Variants in PREP observed in about 807,000 individuals in gnomAD.
PREP encodes prolyl endopeptidase, also known as dJ355L5.1 (prolyl endopeptidase).
In PREP, 29 loss-of-function variants were observed where a neutral mutation model predicts 87.6. The observed-to-expected ratio is 0.33, with a 90% CI of 0.25 to 0.45. PREP has a LOEUF of 0.45. Ranked by LOEUF, PREP falls within the 20% of genes least tolerant of loss-of-function variation. The pLI, the probability that PREP is intolerant of heterozygous loss-of-function variation, is 1.00. For synonymous variants in PREP, 337 were observed against 328.6 expected (o/e 1.03, Z -0.28); for missense variants, 695 against 886.5 (o/e 0.78, Z 2.74).
chr6:105,296,177 T>C (rs1014312115), intron 10 of PREP, among the ~76,000 whole-genome samples: 3 of 152,246 alleles, frequency 2.0e-5, no homozygotes, highest in South Asian at 4.1e-4. Flanking sequence ...ACTAGTGTAA[T>C]AGGCAAACAC....
At chr6:105,325,649 G>C (rs1296318531) in intron 9 of PREP, among the ~76,000 whole-genome samples, 1 of 152,146 alleles carries the variant, frequency 6.6e-6, no homozygotes, top group Admixed American at 6.6e-5. Flanking sequence ...GATACTTTCT[G>C]TTTATAGATC....
At chr6:105,333,631 T>A in intron 7 of PREP, 126 bp from the exon 8 acceptor site, 3 of 1,002,366 alleles carry the variant, frequency 3.0e-6, no homozygotes, top group African/African-American at 1.6e-5. Context: ...TTGGAAGATC[T>A]AGGGCATGAA....
chr6:105,310,806 T>C (rs1770745159), intron 10 of PREP, among the ~76,000 whole-genome samples: 1 of 152,194 alleles, frequency 6.6e-6, no homozygotes, highest in Non-Finnish European at 1.5e-5. Flanking sequence ...CTAACTCAGA[T>C]CTCTCCTTTG....
intron 7 of PREP, among the ~76,000 whole-genome samples, chr6:105,347,988 G>A (rs1417615308): frequency 6.6e-6 from 1 of 152,124 alleles, no homozygotes; most frequent in Non-Finnish European, 1.5e-5. Flanking sequence ...TTATTTTCTT[G>A]TAAGGTTCAG....
At chr6:105,341,339 T>C (rs1771643810) in intron 7 of PREP, among the ~76,000 whole-genome samples, 1 of 152,072 alleles carries the variant, frequency 6.6e-6, no homozygotes. Flanking sequence ...TTGAAACCAA[T>C]GAGAACAAAG....
intron 6 of PREP, among the ~76,000 whole-genome samples, chr6:105,367,671 CAAA>C (rs112161765): frequency 9.9e-5 from 8 of 80,484 alleles, no homozygotes; most frequent in Non-Finnish European, 1.7e-4. Context: ...GACTCCGTCT[CAAA>C]AAAAAAAAAA....
At chr6:105,342,313 C>T (rs955722216) in intron 7 of PREP, among the ~76,000 whole-genome samples, 4 of 152,176 alleles carry the variant, frequency 2.6e-5, no homozygotes, top group African/African-American at 7.2e-5. Context: ...GCAGAAAAGG[C>T]CTCTGACAAA....
At chr6:105,378,319 CGTG>C (rs1330687152) in intron 2 of PREP, among the ~76,000 whole-genome samples, 2 of 152,206 alleles carry the variant, frequency 1.3e-5, no homozygotes, top group Admixed American at 6.5e-5. Flanking sequence ...ATTTGTCAGG[CGTG>C]GTGGTGGGTG....
At chr6:105,387,613 AAAAAAAAG>A (rs199557509) in intron 2 of PREP, among the ~76,000 whole-genome samples, 35,732 of 122,522 alleles carry the variant, frequency 0.29, 4,568 homozygotes, top group African/African-American at 0.49. Context: ...GAGCTAAAAA[AAAAAAAAG>A]AAAAAAAGAA....
At chr6:105,383,393 T>C (rs919140979) in intron 2 of PREP, among the ~76,000 whole-genome samples, 3 of 152,158 alleles carry the variant, frequency 2.0e-5, no homozygotes, top group African/African-American at 4.8e-5. Flanking sequence ...TTGACCACAA[T>C]GCCATTAACC....
intron 5 of PREP, 82 bp downstream of exon 5, chr6:105,373,287 T>G: frequency 7.0e-7 from 1 of 1,433,256 alleles, no homozygotes; most frequent in Non-Finnish European, 9.8e-7. Context: ...AACCTCTATG[T>G]AGGGTTCAGC....
chr6:105,284,041 G>T (rs1347448272), intron 12 of PREP, among the ~76,000 whole-genome samples: 2 of 152,002 alleles, frequency 1.3e-5, no homozygotes, highest in Non-Finnish European at 2.9e-5. Context: ...TGAGTCAAGG[G>T]GTTCAGAATT....
intron 7 of PREP, among the ~76,000 whole-genome samples, chr6:105,338,520 G>A (rs370212911): frequency 3.9e-5 from 6 of 152,338 alleles, no homozygotes; most frequent in Middle Eastern, 3.4e-3. Context: ...CTGAAGTACC[G>A]GTTCATCTCA....
At chr6:105,304,451 G>A (rs1309246642) in intron 10 of PREP, among the ~76,000 whole-genome samples, 1 of 152,180 alleles carries the variant, frequency 6.6e-6, no homozygotes, top group African/African-American at 2.4e-5. Flanking sequence ...AAACTATGGA[G>A]TCAGAATTTG....
intron 3 of PREP, 35 bp from the exon 4 acceptor site, chr6:105,376,290 A>T: frequency 1.3e-6 from 2 of 1,595,970 alleles, no homozygotes; most frequent in South Asian, 2.3e-5. Flanking sequence ...TCAGCTGTGG[A>T]GTTTTCTATT....
intron 6 of PREP, 59 bp from the exon 7 acceptor site, chr6:105,353,136 T>C: frequency 1.5e-6 from 2 of 1,331,320 alleles, no homozygotes; most frequent in Non-Finnish European, 1.1e-6. Context: ...TGTGAGAACA[T>C]TATTGAATAT....
chr6:105,402,815 G>T, intron 1 of PREP, 32 bp downstream of exon 1: 3 of 1,532,546 alleles, frequency 2.0e-6, no homozygotes, highest in Non-Finnish European at 1.8e-6. Flanking sequence ...CCTTTGCCCG[G>T]GAGCCCTCTG....
intron 7 of PREP, 97 bp downstream of exon 7, chr6:105,352,875 T>TG (rs1771995412): frequency 9.5e-7 from 1 of 1,055,196 alleles, no homozygotes; most frequent in South Asian, 1.5e-5. Flanking sequence ...TGTGGTAGAA[T>TG]GGAAGAGGGT....
chr6:105,273,329 A>G lies in PREP; in HGVS notation c.*4815T>C, dbSNP rs954573529. 2.6e-5 allele frequency: 4 copies of G among 152,140 alleles called. No homozygotes were observed. The highest frequency in any genetic ancestry group is 2.0e-4 in the Admixed American group (3 of 15,286). The allele number at this position is 152,140 out of a possible 1,614,324, so 9.4% of individuals were successfully genotyped here. On this transcript the variant is annotated 3_prime_UTR_variant, in exon 15 of 15. Coordinates refer to ENST00000652536, the MANE Select transcript of PREP (RefSeq NM_002726.5). Reference sequence around the variant, plus strand: ...GTACAATTCAATGACTTTTTAATACATTTACCAGGTTGTGCAACCGTTACT... The same window carrying G: ...GTACAATTCAATGACTTTTTAATACGTTTACCAGGTTGTGCAACCGTTACT...
Sources: allele counts gnomAD v4.1 joint callset (sites outside exome capture counted in the v4.1 genomes callset), GRCh38; gene constraint gnomAD v4.1.1; transcripts MANE v1.5; gene names NCBI Gene and HGNC (gene_info 2026-07-23, HGNC 2026-07-21).